The following CFAP44 variants were observed in gnomAD, a reference collection of about 807,000 sequenced individuals.
CFAP44 encodes cilia- and flagella-associated protein 44.
In CFAP44, 134 loss-of-function variants were observed where a neutral mutation model predicts 216.2. The observed-to-expected ratio is 0.62, with a 90% CI of 0.54 to 0.72. CFAP44 has a LOEUF of 0.72. Among genes scored for constraint, CFAP44 ranks in the 30% least tolerant of loss-of-function variants. The probability of loss-of-function intolerance (pLI) is 0.00; values close to 1 mark genes in which losing one functional copy is unlikely to be tolerated. For synonymous variants in CFAP44, 700 were observed against 727.6 expected (o/e 0.96, Z 0.61); for missense variants, 2,035 against 2,182.1 (o/e 0.93, Z 1.34).
intron 22 of CFAP44, among the ~76,000 whole-genome samples, chr3:113,348,245 C>T (rs533248756): frequency 1.3e-5 from 2 of 152,206 alleles, no homozygotes; most frequent in East Asian, 3.9e-4. Flanking sequence ...TTTCCTTTCA[C>T]ATGGGAAACA....
chr3:113,344,170 A>AAGAAAACC, intron 23 of CFAP44, among the ~76,000 whole-genome samples: 1 of 152,206 alleles, frequency 6.6e-6, no homozygotes, highest in Non-Finnish European at 1.5e-5. Flanking sequence ...CATCTGGGGA[A>AAGAAAACC]ATCCTAGATT....
chr3:113,440,068 T>C (rs1436685695), intron 1 of CFAP44, among the ~76,000 whole-genome samples: 9 of 152,146 alleles, frequency 5.9e-5, no homozygotes, highest in Admixed American at 3.9e-4. Flanking sequence ...ATTTTATTTA[T>C]GTATTTATGT....
chr3:113,416,188 G>GTT lies in CFAP44; in HGVS notation c.673+335_673+336dup, dbSNP rs60048350. Reference sequence around the variant, plus strand: ...AGATTGCAACCCTTGGTGTTTTTTTGTTTTTTTTTCCTTTCCATTTACTTG... The same window carrying GTT: ...AGATTGCAACCCTTGGTGTTTTTTTGTTTTTTTTTTTCCTTTCCATTTACTTG... On this transcript the variant is annotated intron_variant, in intron 6 of 34. Transcript: ENST00000393845. Among the ~76,000 whole-genome samples, 640 of 150,646 alleles carry GTT rather than the reference G, an allele frequency of 4.2e-3. 4 individuals carry two copies. Among genetic ancestry groups the GTT allele is most frequent in the African/African-American group, 0.013 (545 of 41,066 alleles).
chr3:113,341,478 T>C (rs1950332890), intron 24 of CFAP44, among the ~76,000 whole-genome samples: 1 of 152,212 alleles, frequency 6.6e-6, no homozygotes, highest in Non-Finnish European at 1.5e-5. Context: ...CATTTCTTAA[T>C]TCTTAAAAAT....
At chr3:113,433,429 C>CAAAAAA (rs58221881) in intron 2 of CFAP44, 136 bp downstream of exon 2, 12 of 127,788 alleles carry the variant, frequency 9.4e-5, no homozygotes, top group African/African-American at 3.8e-4. Context: ...AACTCCATCT[C>CAAAAAA]AAAAAAAAAA....
At chr3:113,414,748 T>G (rs1934595740) in intron 6 of CFAP44, among the ~76,000 whole-genome samples, 1 of 152,252 alleles carries the variant, frequency 6.6e-6, no homozygotes, top group Non-Finnish European at 1.5e-5. Context: ...GATGTGCTGC[T>G]GGATTTGGTT....
chr3:113,370,136 A>T (rs1933102326), intron 18 of CFAP44, among the ~76,000 whole-genome samples: 1 of 152,236 alleles, frequency 6.6e-6, no homozygotes, highest in Non-Finnish European at 1.5e-5. Context: ...TTCAAAGCCG[A>T]ATTCTATCAG....
chr3:113,370,185 A>G (rs1933104366), intron 18 of CFAP44, among the ~76,000 whole-genome samples: 1 of 152,236 alleles, frequency 6.6e-6, no homozygotes. Flanking sequence ...TTCTGAAACT[A>G]TTCCAATCAA....
intron 28 of CFAP44, among the ~76,000 whole-genome samples, chr3:113,311,899 T>C (rs1950042231): frequency 3.3e-5 from 5 of 152,142 alleles, no homozygotes; most frequent in South Asian, 2.1e-4. Context: ...TTGTTAGTTT[T>C]AGCAAAGAGA....
At chr3:113,427,107 T>A (rs1934981610) in intron 3 of CFAP44, 80 bp downstream of exon 3, 1 of 1,449,194 alleles carries the variant, frequency 6.9e-7, no homozygotes, top group Non-Finnish European at 9.5e-7. Flanking sequence ...TTTCTTTCTA[T>A]GGATTTATAA....
chr3:113,374,866 C>T (rs1306553570), intron 17 of CFAP44, among the ~76,000 whole-genome samples: 1 of 152,136 alleles, frequency 6.6e-6, no homozygotes, highest in African/African-American at 2.4e-5. Context: ...GAACTCCTGG[C>T]CTCAAGTGAT....
chr3:113,374,596 T>C (rs1933277646), intron 17 of CFAP44, among the ~76,000 whole-genome samples: 1 of 152,092 alleles, frequency 6.6e-6, no homozygotes, highest in African/African-American at 2.4e-5. Context: ...AGCAGCATTA[T>C]TCACAATAGC....
chr3:113,382,149 G>C (rs1164565126), intron 15 of CFAP44, among the ~76,000 whole-genome samples: 1 of 152,122 alleles, frequency 6.6e-6, no homozygotes, highest in East Asian at 1.9e-4. Flanking sequence ...AATGAGAGGA[G>C]AGATTGGGAG....
At chr3:113,421,293 C>G (rs907132760) in intron 4 of CFAP44, among the ~76,000 whole-genome samples, 12 of 152,154 alleles carry the variant, frequency 7.9e-5, no homozygotes, top group African/African-American at 2.9e-4. Context: ...CAATGAGATA[C>G]CATCTCACAC....
rs201609818 is a variant in CFAP44 at position 113,427,299 on chromosome 3, T to C, written c.141A>G (p.Thr47=). The C allele has an allele frequency of 4.4e-5, 71 of 1,612,134 alleles. No homozygotes were observed. In the East Asian group the frequency reaches 1.5e-3, roughly 34 times the overall value. The change falls in exon 3 of 35, where the codon ACA becomes ACG. Residue 47 remains threonine (T), a synonymous_variant. Coordinates refer to ENST00000393845, the MANE Select transcript of CFAP44 (RefSeq NM_001164496.2). ...QEDNTFLEDD[T]DETFTKGEGS... ...CTTCCCCTTTGGTAAATGTTTCATC[T>C]GTGTCATCTTCTAAAAATGTGTTAT...
chr3:113,418,364 G>A (rs1215237086), intron 5 of CFAP44, among the ~76,000 whole-genome samples: 1 of 152,110 alleles, frequency 6.6e-6, no homozygotes, highest in Non-Finnish European at 1.5e-5. Flanking sequence ...CATGATTACA[G>A]GCAGGAGCCA....
Position 113,330,184 on chromosome 3 carries a change from T to C in CFAP44, c.4100A>G (p.Gln1367Arg), listed in dbSNP as rs1254424676. The C allele has an allele frequency of 3.3e-6, 5 of 1,535,056 alleles. No individual in the cohort carries two copies. Among genetic ancestry groups the C allele is most frequent in the Admixed American group, 2.0e-5 (1 of 50,902 alleles). The part of the protein sequence containing the change: ...RDEIKHVYMQ[Q>R]YLVNRIKELV... The stretch of plus-strand genomic sequence containing the variant: ...ACCCCTTACCCTGTTGACCAAATAC[T>C]GTTGCATGTACACGTGTTTAATCTC... The change falls in exon 26 of 35, where the codon CAG becomes CGG. Residue 1367 changes from glutamine to arginine, a missense_variant. Gln to Arg is a conservative substitution (Grantham distance 43). Coordinates refer to ENST00000393845, the MANE Select transcript of CFAP44 (RefSeq NM_001164496.2).
intron 17 of CFAP44, among the ~76,000 whole-genome samples, chr3:113,374,363 T>TTTTATTCATTTATTTATTTA (rs373863394): frequency 1.4e-5 from 2 of 146,674 alleles, no homozygotes; most frequent in South Asian, 4.4e-4. Context: ...TGTCAATTTC[T>TTTTATTCATTTATTTATTTA]TTTATTTATT....
intron 32 of CFAP44, among the ~76,000 whole-genome samples, chr3:113,300,201 C>T (rs1949921418): frequency 6.6e-6 from 1 of 151,810 alleles, no homozygotes; most frequent in Non-Finnish European, 1.5e-5. Flanking sequence ...ATGACAGTTA[C>T]TAGAGTCTGG....
Sources: gnomAD v4.1 joint callset for allele counts (sites outside exome capture counted in the v4.1 genomes callset) on GRCh38, gnomAD v4.1.1 for gene constraint, MANE v1.5 for transcripts, NCBI Gene and HGNC (gene_info 2026-07-23, HGNC 2026-07-21) for gene names.